The following ARHGAP39 variants were observed in gnomAD, a reference collection of about 807,000 sequenced individuals.
The protein encoded by ARHGAP39 is Rho GTPase activating protein 39.
A neutral mutation model predicts 106.9 loss-of-function variants in ARHGAP39; 44 were observed. The ratio of observed to expected loss-of-function variants is 0.41; its 90% CI spans 0.32 to 0.53. The LOEUF (loss-of-function observed/expected upper bound fraction) is 0.53. Ranked by LOEUF, ARHGAP39 falls within the 20% of genes least tolerant of loss-of-function variation. The pLI is 0.21. For synonymous variants in ARHGAP39, 768 were observed against 693.2 expected (o/e 1.11, Z -1.69); for missense variants, 1,496 against 1,577.3 (o/e 0.95, Z 0.87).
chr8:144,564,869 G>A (rs573647217), intron 3 of ARHGAP39, among the ~76,000 whole-genome samples: 1 of 151,814 alleles, frequency 6.6e-6, no homozygotes, highest in South Asian at 2.1e-4. Context: ...CACTTTGGGA[G>A]GCCAAGATGG....
chr8:144,632,694 A>G (rs1586627931), intron 1 of ARHGAP39, among the ~76,000 whole-genome samples: 2 of 152,314 alleles, frequency 1.3e-5, no homozygotes, highest in African/African-American at 2.4e-5. Context: ...AGCGCTGCAC[A>G]TCAGGTGATG....
intron 2 of ARHGAP39, among the ~76,000 whole-genome samples, chr8:144,596,141 C>A (rs1322151277): frequency 1.3e-5 from 2 of 152,184 alleles, no homozygotes; most frequent in Non-Finnish European, 2.9e-5. Context: ...CGGGCCCTGG[C>A]AGCAGAGGGG....
chr8:144,553,570 A>G (rs576117928), intron 4 of ARHGAP39, among the ~76,000 whole-genome samples: 14 of 152,316 alleles, frequency 9.2e-5, no homozygotes, highest in Admixed American at 7.8e-4. Flanking sequence ...GCTGCTGCAC[A>G]CTGGCAGGCC....
chr8:144,582,854 G>A (rs1389380279), intron 2 of ARHGAP39, among the ~76,000 whole-genome samples: 1 of 152,192 alleles, frequency 6.6e-6, no homozygotes, highest in African/African-American at 2.4e-5. Context: ...GCCTGTGGAT[G>A]TTTCACCGTC....
rs564991953 is a variant in ARHGAP39 at position 144,615,235 on chromosome 8, C to G, written c.-81-9540G>C. On this transcript the variant is annotated intron_variant, in intron 1 of 11. Transcript: ENST00000377307. Reference sequence around the variant, plus strand: ...ACTTGAAAGGCTAAGGTGAGAGGATCGCTGACCCCAGAAGGTCGATGCTAC... The same window carrying G: ...ACTTGAAAGGCTAAGGTGAGAGGATGGCTGACCCCAGAAGGTCGATGCTAC... Among the ~76,000 whole-genome samples, 6 of 152,246 alleles carry G rather than the reference C, an allele frequency of 3.9e-5. No homozygotes were observed. In the South Asian group the frequency reaches 1.2e-3, roughly 32 times the overall value.
In ARHGAP39 at chr8:144,585,581, C is replaced by T. The variant is rs1027435385; in HGVS notation, c.81-4304G>A. 6.6e-6 allele frequency among the ~76,000 whole-genome samples: 1 copy of T among 152,170 alleles called. No homozygotes were observed. The highest frequency in any genetic ancestry group is 2.4e-5 in the African/African-American group (1 of 41,440). ...GATACAAAGTGTCAATGACTCCCAT[C>T]GTTAGAAACACAGGGACACCAACAT... is the stretch of plus-strand genomic sequence containing the variant. On this transcript the variant is annotated intron_variant, in intron 2 of 11. Coordinates refer to ENST00000377307, the MANE Select transcript of ARHGAP39 (RefSeq NM_025251.3). The surrounding 1 kb of genome is among the most constrained non-coding windows in gnomAD (Gnocchi z 4.6).
intron 1 of ARHGAP39, among the ~76,000 whole-genome samples, chr8:144,652,761 G>A (rs1821604265): frequency 6.6e-6 from 1 of 152,026 alleles, no homozygotes; most frequent in African/African-American, 2.4e-5. Flanking sequence ...CTACCTGAGG[G>A]TGGAGGGTGG....
At chr8:144,680,091 C>T (rs949273973) in intron 1 of ARHGAP39, among the ~76,000 whole-genome samples, 1 of 152,174 alleles carries the variant, frequency 6.6e-6, no homozygotes, top group Non-Finnish European at 1.5e-5. Flanking sequence ...CGCTAGAAAC[C>T]ACACATAACC....
chr8:144,595,226 T>G (rs912819490), intron 2 of ARHGAP39, among the ~76,000 whole-genome samples: 1 of 152,038 alleles, frequency 6.6e-6, no homozygotes, highest in African/African-American at 2.4e-5. Context: ...AGAAGCAAAA[T>G]GTGGCCCATC....
chr8:144,535,273 T>C (rs528816792), intron 7 of ARHGAP39, among the ~76,000 whole-genome samples: 2 of 152,304 alleles, frequency 1.3e-5, no homozygotes, highest in South Asian at 4.1e-4. Flanking sequence ...TATCACAGAA[T>C]AGTTGACATG....
intron 1 of ARHGAP39, among the ~76,000 whole-genome samples, chr8:144,667,239 C>T (rs11985577): frequency 1.3e-4 from 20 of 152,332 alleles, no homozygotes; most frequent in Admixed American, 6.5e-4. Context: ...ACCTCACAGG[C>T]TGCCCTCCAG....
At chr8:144,683,675 T>A (rs1327989611) in intron 1 of ARHGAP39, among the ~76,000 whole-genome samples, 3 of 152,146 alleles carry the variant, frequency 2.0e-5, no homozygotes, top group Admixed American at 6.5e-5. Context: ...CTTAAAACAA[T>A]CTTATATAAT....
At chr8:144,615,435 CA>C (rs1186740787) in intron 1 of ARHGAP39, among the ~76,000 whole-genome samples, 1 of 152,144 alleles carries the variant, frequency 6.6e-6, no homozygotes, top group East Asian at 1.9e-4. Flanking sequence ...GACACAACCC[CA>C]TTCTTTTAAA....
intron 2 of ARHGAP39, among the ~76,000 whole-genome samples, chr8:144,596,806 G>A (rs1326447412): frequency 6.6e-6 from 1 of 152,232 alleles, no homozygotes; most frequent in Non-Finnish European, 1.5e-5. Flanking sequence ...TGCTGCAGGA[G>A]CGGCCACCAT....
At chr8:144,554,292 G>A (rs974131623) in intron 4 of ARHGAP39, among the ~76,000 whole-genome samples, 9 of 152,206 alleles carry the variant, frequency 5.9e-5, no homozygotes, top group African/African-American at 2.2e-4. Flanking sequence ...AGGACGCTGG[G>A]GCGGGCTTAG....
chr8:144,554,134 G>C (rs2130856048), intron 4 of ARHGAP39, among the ~76,000 whole-genome samples: 1 of 152,374 alleles, frequency 6.6e-6, no homozygotes, highest in East Asian at 1.9e-4. Context: ...GTGCGCCAGT[G>C]GAGGGTTGCG....
upstream of ARHGAP39, among the ~76,000 whole-genome samples, chr8:144,685,938 C>T (rs1264344022): frequency 6.6e-6 from 1 of 150,766 alleles, no homozygotes; most frequent in Non-Finnish European, 1.5e-5. Context: ...GGGGCACTGC[C>T]TCGCGAGGCC....
chr8:144,657,051 A>G (rs1821715220), intron 1 of ARHGAP39, among the ~76,000 whole-genome samples: 2 of 152,012 alleles, frequency 1.3e-5, no homozygotes, highest in South Asian at 4.1e-4. Context: ...GGCCAAGGTG[A>G]CTGCACTGGT....
chr8:144,617,998 C>A (rs1178846346), intron 1 of ARHGAP39, among the ~76,000 whole-genome samples: 1 of 152,032 alleles, frequency 6.6e-6, no homozygotes, highest in Non-Finnish European at 1.5e-5. Context: ...CCCAGGCTGG[C>A]CTTGAACTTC....
Sources: allele counts gnomAD v4.1 joint callset (sites outside exome capture counted in the v4.1 genomes callset), GRCh38; gene constraint gnomAD v4.1.1; non-coding constraint Gnocchi (gnomAD v3.1); transcripts MANE v1.5; gene names NCBI Gene and HGNC (gene_info 2026-07-23, HGNC 2026-07-21).